BLTP3B: variants seen among roughly 807,000 people sequenced by gnomAD.
The protein encoded by BLTP3B is bridge-like lipid transfer protein family member 3B.
the BLTP3B span, chr12:100,088,952 A>G: frequency 6.2e-7 from 1 of 1,609,818 alleles, no homozygotes; most frequent in Non-Finnish European, 8.5e-7. Context: ...ATATGTGTAG[A>G]TCTAGATGAG....
chr12:100,058,702 A>T, the BLTP3B span: 2 of 1,614,014 alleles, frequency 1.2e-6, no homozygotes, highest in Non-Finnish European at 1.7e-6. Flanking sequence ...ATTCCAATAC[A>T]AATGGATGTC....
the BLTP3B span, chr12:100,047,988 T>C: frequency 3.8e-6 from 6 of 1,587,320 alleles, no homozygotes; most frequent in Non-Finnish European, 5.1e-6. Flanking sequence ...TCATTGGCAT[T>C]ACTGTTGCAA....
chr12:100,087,439 C>G, the BLTP3B span, among the ~76,000 whole-genome samples: 2 of 152,126 alleles, frequency 1.3e-5, no homozygotes, highest in South Asian at 4.1e-4. Flanking sequence ...TTACGTAAAA[C>G]CTTTGGAAAG....
At chr12:100,071,666 A>C in the BLTP3B span, among the ~76,000 whole-genome samples, 1 of 152,192 alleles carries the variant, frequency 6.6e-6, no homozygotes, top group Admixed American at 6.5e-5. Context: ...AAAGCCAAAG[A>C]AGCTTCTAAA....
the BLTP3B span, among the ~76,000 whole-genome samples, chr12:100,095,205 G>A: frequency 1.3e-5 from 2 of 152,038 alleles, no homozygotes; most frequent in Non-Finnish European, 2.9e-5. Flanking sequence ...GTGATAAATA[G>A]CTCATTATGC....
the BLTP3B span, among the ~76,000 whole-genome samples, chr12:100,129,984 T>A: frequency 6.6e-6 from 1 of 152,124 alleles, no homozygotes; most frequent in South Asian, 2.1e-4. Context: ...TGGGATGGAG[T>A]CTAACTCTGT....
chr12:100,057,456 G>A, the BLTP3B span: 130,292 of 627,408 alleles, frequency 0.21, 18,504 homozygotes, highest in African/African-American at 0.59. Context: ...GTTATGTTCA[G>A]TAACTTTAAA....
the BLTP3B span, among the ~76,000 whole-genome samples, chr12:100,140,538 T>C: frequency 1.3e-5 from 2 of 150,716 alleles, no homozygotes. Flanking sequence ...AAACCCTGTC[T>C]CTACTAAAAA....
chr12:100,125,320 G>A, the BLTP3B span, among the ~76,000 whole-genome samples: 138 of 135,226 alleles, frequency 1.0e-3, no homozygotes, highest in Middle Eastern at 8.2e-3. Flanking sequence ...GTGACAGAGC[G>A]ACCGGTTTCC....
chr12:100,128,561 T>C, the BLTP3B span: 9 of 1,164,506 alleles, frequency 7.7e-6, no homozygotes, highest in Non-Finnish European at 9.7e-6. Context: ...AAAAAAAGCA[T>C]GGGGAATAGA....
chr12:100,076,117 T>TA, the BLTP3B span, among the ~76,000 whole-genome samples: 6,697 of 142,864 alleles, frequency 0.047, 291 homozygotes, highest in African/African-American at 0.12. Flanking sequence ...AAGTTGAAAT[T>TA]AAAAAAAAAA....
chr12:100,074,537 T>C, the BLTP3B span, among the ~76,000 whole-genome samples: 1 of 151,166 alleles, frequency 6.6e-6, no homozygotes, highest in South Asian at 2.1e-4. Flanking sequence ...AGACGGAGGT[T>C]GTAGTGAGCT....
At chr12:100,046,865 G>A in the BLTP3B span, among the ~76,000 whole-genome samples, 1 of 152,152 alleles carries the variant, frequency 6.6e-6, no homozygotes, top group Non-Finnish European at 1.5e-5. Context: ...GCAAAGTGCA[G>A]AGAAGTGCAA....
the BLTP3B span, among the ~76,000 whole-genome samples, chr12:100,138,332 G>C: frequency 1.3e-5 from 2 of 152,132 alleles, no homozygotes; most frequent in African/African-American, 4.8e-5. Context: ...TCAGCTTTCT[G>C]ATGTTTGCAG....
the BLTP3B span, chr12:100,039,572 A>T: frequency 6.3e-7 from 1 of 1,582,476 alleles, no homozygotes. Flanking sequence ...GCTGAAGCTG[A>T]ATCTGAATTA....
chr12:100,074,921 C>T, the BLTP3B span, among the ~76,000 whole-genome samples: 1 of 152,032 alleles, frequency 6.6e-6, no homozygotes, highest in Non-Finnish European at 1.5e-5. Context: ...TCAACAATCA[C>T]AAGCAATGGG....
chr12:100,070,163 A>C, the BLTP3B span: 1 of 1,571,810 alleles, frequency 6.4e-7, no homozygotes, highest in Non-Finnish European at 8.6e-7. Context: ...TCTGCTTAGG[A>C]AGGCAGCTGA....
At chr12:100,049,456 G>T in the BLTP3B span, among the ~76,000 whole-genome samples, 1 of 152,066 alleles carries the variant, frequency 6.6e-6, no homozygotes, top group Non-Finnish European at 1.5e-5. Flanking sequence ...TGTGTGAAAG[G>T]GAGAGATTTG....
chr12:100,057,678 C>G, the BLTP3B span: 1 of 1,612,252 alleles, frequency 6.2e-7, no homozygotes, highest in Non-Finnish European at 8.5e-7. Context: ...TGAAGAGCTT[C>G]TTTTCATATT....
Sources: gnomAD v4.1 joint callset for allele counts (sites outside exome capture counted in the v4.1 genomes callset) on GRCh38, gnomAD v4.1.1 for gene constraint, MANE v1.5 for transcripts, NCBI Gene and HGNC (gene_info 2026-07-23, HGNC 2026-07-21) for gene names.